CACNB2: variants seen among roughly 807,000 people sequenced by gnomAD.
The protein encoded by CACNB2 is voltage-dependent L-type calcium channel subunit beta-2.
In CACNB2, 42 loss-of-function variants were observed where a neutral mutation model predicts 73.3. That is an observed-to-expected ratio of 0.57 (90% confidence interval 0.45 to 0.74). The LOEUF is 0.74. Ranked by LOEUF, CACNB2 falls within the 30% of genes least tolerant of loss-of-function variation. The probability of loss-of-function intolerance (pLI) is 0.00; values close to 1 mark genes in which losing one functional copy is unlikely to be tolerated. For synonymous variants in CACNB2, 348 were observed against 310.3 expected (o/e 1.12, Z -1.28); for missense variants, 940 against 853.0 (o/e 1.10, Z -1.27).
At position 18,362,881 on chromosome 10, in the gene CACNB2, C is replaced by T. The variant is rs141182035; in HGVS notation, c.214-39043C>T. Among the ~76,000 whole-genome samples, 660 of 151,306 alleles carry T rather than the reference C, an allele frequency of 4.4e-3. 2 individuals are homozygous for T. The highest frequency in any genetic ancestry group is 7.5e-3 in the Non-Finnish European group (512 of 67,898). On this transcript the variant is annotated intron_variant, in intron 2 of 13. Coordinates refer to ENST00000324631, the MANE Select transcript of CACNB2 (RefSeq NM_201596.3). ...TGAGATCGCTGACACTGCACTCCAG[C>T]GTGGGCGACAGAGTGAAACTCTGTT... is the stretch of plus-strand genomic sequence containing the variant.
At chr10:18,225,136 CT>C (rs993844486) in intron 2 of CACNB2, among the ~76,000 whole-genome samples, 2,801 of 146,580 alleles carry the variant, frequency 0.019, 92 homozygotes, top group African/African-American at 0.062. Flanking sequence ...ACATAATAAG[CT>C]TTTTTTTTTT....
At chr10:18,224,841 G>A (rs1408814175) in intron 2 of CACNB2, among the ~76,000 whole-genome samples, 1 of 152,198 alleles carries the variant, frequency 6.6e-6, no homozygotes, top group Non-Finnish European at 1.5e-5. Context: ...ACAGGTTAAA[G>A]GGCCTCAGTC....
intron 5 of CACNB2, among the ~76,000 whole-genome samples, chr10:18,506,070 G>C (rs756689943): frequency 3.9e-5 from 6 of 152,148 alleles, no homozygotes; most frequent in Admixed American, 6.5e-5. Flanking sequence ...TAAAACAGAG[G>C]AGCTGAAACC....
chr10:18,424,518 G>A (rs2045497770), intron 3 of CACNB2, among the ~76,000 whole-genome samples: 1 of 152,062 alleles, frequency 6.6e-6, no homozygotes, highest in Non-Finnish European at 1.5e-5. Context: ...TTTCCCCTGG[G>A]CCCTGTTTTA....
intron 2 of CACNB2, among the ~76,000 whole-genome samples, chr10:18,400,387 A>C (rs1020386327): frequency 6.6e-6 from 1 of 152,220 alleles, no homozygotes; most frequent in Non-Finnish European, 1.5e-5. Flanking sequence ...ACAGAAACAG[A>C]CACACATACC....
intron 2 of CACNB2, among the ~76,000 whole-genome samples, chr10:18,239,125 T>C (rs1005336580): frequency 6.6e-6 from 1 of 152,228 alleles, no homozygotes; most frequent in African/African-American, 2.4e-5. Flanking sequence ...GCTTAAAGTG[T>C]TGAACAAAAG....
At chr10:18,372,465 C>T (rs548649369) in intron 2 of CACNB2, among the ~76,000 whole-genome samples, 17 of 152,210 alleles carry the variant, frequency 1.1e-4, no homozygotes, top group Admixed American at 2.6e-4. Context: ...TAGAGTGCAA[C>T]GGAGTATCTC....
intron 2 of CACNB2, among the ~76,000 whole-genome samples, chr10:18,352,164 C>G (rs1270719978): frequency 6.6e-6 from 1 of 152,220 alleles, no homozygotes; most frequent in Non-Finnish European, 1.5e-5. Flanking sequence ...GTACTTCATT[C>G]TTATCCTTAT....
At chr10:18,457,821 C>T (rs559786180) in intron 3 of CACNB2, among the ~76,000 whole-genome samples, 37 of 151,774 alleles carry the variant, frequency 2.4e-4, no homozygotes, top group African/African-American at 8.5e-4. Context: ...ACCCGGGAGG[C>T]GGAGGTTGTG....
At chr10:18,366,779 G>C (rs556339187) in intron 2 of CACNB2, among the ~76,000 whole-genome samples, 119 of 147,320 alleles carry the variant, frequency 8.1e-4, no homozygotes, top group African/African-American at 2.7e-3. Flanking sequence ...GCAACAAAGC[G>C]AGACTCCGTC....
chr10:18,231,431 G>A (rs976468937), intron 2 of CACNB2, among the ~76,000 whole-genome samples: 3 of 151,952 alleles, frequency 2.0e-5, no homozygotes, highest in African/African-American at 7.2e-5. Flanking sequence ...CACCTGCCTC[G>A]GCCTCCCAAA....
intron 2 of CACNB2, among the ~76,000 whole-genome samples, chr10:18,195,483 C>A (rs2034583385): frequency 6.6e-6 from 1 of 152,174 alleles, no homozygotes; most frequent in African/African-American, 2.4e-5. Context: ...CAACGAGATT[C>A]ACTTTGTGCT....
At chr10:18,152,869 G>A (rs764388788) in intron 2 of CACNB2, among the ~76,000 whole-genome samples, 1 of 151,958 alleles carries the variant, frequency 6.6e-6, no homozygotes, top group African/African-American at 2.4e-5. Context: ...GAATAGAAAC[G>A]AACAGTGTAG....
intron 2 of CACNB2, among the ~76,000 whole-genome samples, chr10:18,159,970 T>C (rs999008751): frequency 2.6e-5 from 4 of 152,232 alleles, no homozygotes; most frequent in South Asian, 2.1e-4. Context: ...TAAGAACTCA[T>C]CTTAAAGATA....
intron 2 of CACNB2, among the ~76,000 whole-genome samples, chr10:18,193,424 T>G (rs1191378281): frequency 2.0e-5 from 3 of 152,188 alleles, no homozygotes; most frequent in African/African-American, 7.2e-5. Context: ...TTCTTTTTAT[T>G]AGGCCATTCC....
At chr10:18,186,456 G>A (rs150659627) in intron 2 of CACNB2, among the ~76,000 whole-genome samples, 1 of 152,000 alleles carries the variant, frequency 6.6e-6, no homozygotes. Flanking sequence ...CTGAGACTGG[G>A]TAATTTCTAA....
At chr10:18,410,816 C>T (rs1360281778) in intron 3 of CACNB2, among the ~76,000 whole-genome samples, 2 of 152,026 alleles carry the variant, frequency 1.3e-5, no homozygotes, top group East Asian at 3.9e-4. Context: ...CCCATCTCTA[C>T]TAAAAATACA....
At chr10:18,469,202 T>C (rs12263690) in intron 3 of CACNB2, among the ~76,000 whole-genome samples, 6,344 of 152,032 alleles carry the variant, frequency 0.042, 447 homozygotes, top group African/African-American at 0.14. Flanking sequence ...AGTGCACCAC[T>C]GCACTCCAGC....
chr10:18,398,752 C>T (rs2043841329), intron 2 of CACNB2, among the ~76,000 whole-genome samples: 1 of 151,746 alleles, frequency 6.6e-6, no homozygotes, highest in African/African-American at 2.4e-5. Flanking sequence ...ATCAGAGATA[C>T]AAGGAATGAA....
Sources: gnomAD v4.1 joint callset for allele counts (sites outside exome capture counted in the v4.1 genomes callset) on GRCh38, gnomAD v4.1.1 for gene constraint, MANE v1.5 for transcripts, NCBI Gene and HGNC (gene_info 2026-07-23, HGNC 2026-07-21) for gene names.